Variants in AKT3 observed in about 807,000 individuals in gnomAD.
AKT3 encodes the protein AKT serine/threonine kinase 3, also known as RAC-gamma serine/threonine-protein kinase.
A neutral mutation model predicts 65.3 loss-of-function variants in AKT3; 15 were observed. The ratio of observed to expected loss-of-function variants is 0.23; its 90% CI spans 0.15 to 0.35. The LOEUF (loss-of-function observed/expected upper bound fraction) is 0.35. Among genes scored for constraint, AKT3 ranks in the 10% least tolerant of loss-of-function variants. The pLI, the probability that AKT3 is intolerant of heterozygous loss-of-function variation, is 1.00. For missense variants in AKT3, 243 were observed against 576.5 expected, an observed-to-expected ratio of 0.42 and a Z score of 5.92; for synonymous variants, 206 against 183.8, an observed-to-expected ratio of 1.12 and a Z score of -0.98.
In AKT3 at chr1:243,500,292, T is replaced by C; in HGVS notation, c.*4957A>G. ...ACTCCATTTTATTTATTTATCGTCCTACTTTGTGCACAATCAATCAATCAG... is the reference window on the plus strand; with the variant it reads ...ACTCCATTTTATTTATTTATCGTCCCACTTTGTGCACAATCAATCAATCAG... On this transcript the variant is annotated 3_prime_UTR_variant, in exon 14 of 14. Transcript: ENST00000673466. 4.8e-6 allele frequency: 1 copy of C among 208,576 alleles called. No individual in the cohort carries two copies. The highest frequency in any genetic ancestry group is 8.9e-6 in the Non-Finnish European group (1 of 112,248). The allele number at this position is 208,576 out of a possible 1,614,324, so 12.9% of individuals were successfully genotyped here. A position where few individuals can be genotyped will look rare whatever the true frequency, so the allele number is the denominator to read the frequency against.
At chr1:243,512,629 T>C (rs1184703790) in intron 12 of AKT3, among the ~76,000 whole-genome samples, 2 of 152,118 alleles carry the variant, frequency 1.3e-5, no homozygotes, top group East Asian at 3.9e-4. Flanking sequence ...CTGTATAAAA[T>C]CTAATGGATC....
chr1:243,687,248 G>GC (rs1298343946), intron 3 of AKT3, among the ~76,000 whole-genome samples: 1 of 151,886 alleles, frequency 6.6e-6, no homozygotes, highest in South Asian at 2.1e-4. Flanking sequence ...TTCTAAATAA[G>GC]CCCCCCCATT....
intron 3 of AKT3, among the ~76,000 whole-genome samples, chr1:243,689,635 A>AAG (rs959583566): frequency 1.3e-5 from 2 of 152,022 alleles, no homozygotes; most frequent in African/African-American, 4.8e-5. Flanking sequence ...CTTACTTGCA[A>AAG]AGAGAGAGAG....
At chr1:243,490,387 C>T (rs1004717194) in intron 13 of AKT3, among the ~76,000 whole-genome samples, 1 of 152,236 alleles carries the variant, frequency 6.6e-6, no homozygotes, top group African/African-American at 2.4e-5. Context: ...GAGGCGAGGC[C>T]TCACCTGGCA....
chr1:243,804,954 T>C (rs1692635753), intron 2 of AKT3, among the ~76,000 whole-genome samples: 1 of 152,178 alleles, frequency 6.6e-6, no homozygotes, highest in South Asian at 2.1e-4. Flanking sequence ...TTGCCTGATA[T>C]TTTGTTTGTA....
At chr1:243,628,408 C>T (rs997298199) in intron 6 of AKT3, among the ~76,000 whole-genome samples, 2 of 152,066 alleles carry the variant, frequency 1.3e-5, no homozygotes, top group East Asian at 1.9e-4. Context: ...CAAGCAATCC[C>T]GCATCTCAGC....
chr1:243,505,417 A>T, intron 13 of AKT3, 83 bp from the exon 14 acceptor site: 1 of 1,228,216 alleles, frequency 8.1e-7, no homozygotes, highest in Non-Finnish European at 1.2e-6. Flanking sequence ...TAAACTCTGA[A>T]CATAGGAAAG....
intron 8 of AKT3, among the ~76,000 whole-genome samples, chr1:243,598,077 G>C (rs1357966505): frequency 1.3e-5 from 2 of 152,036 alleles, no homozygotes; most frequent in Non-Finnish European, 2.9e-5. Context: ...AAAGGCATAG[G>C]AAAATGAGAA....
chr1:243,662,234 C>A (rs1411207555), intron 4 of AKT3, among the ~76,000 whole-genome samples: 2 of 152,058 alleles, frequency 1.3e-5, no homozygotes, highest in Non-Finnish European at 2.9e-5. Flanking sequence ...ATAAATCATG[C>A]TGCTATAAAG....
At chr1:243,616,886 T>C (rs1192314399) in intron 6 of AKT3, among the ~76,000 whole-genome samples, 1 of 152,082 alleles carries the variant, frequency 6.6e-6, no homozygotes, top group Non-Finnish European at 1.5e-5. Context: ...TTTATAGGAG[T>C]CAGTTTTAAG....
chr1:243,703,775 A>AG (rs1310142040), intron 2 of AKT3, among the ~76,000 whole-genome samples: 2 of 151,600 alleles, frequency 1.3e-5, no homozygotes, highest in Non-Finnish European at 2.9e-5. Flanking sequence ...AAAAAAAAAA[A>AG]AAAGAAAAAG....
chr1:243,797,686 T>C (rs180742669), intron 2 of AKT3, among the ~76,000 whole-genome samples: 1 of 152,184 alleles, frequency 6.6e-6, no homozygotes, highest in East Asian at 1.9e-4. Flanking sequence ...GTGGGGAAGG[T>C]ATAGATGAAA....
chr1:243,540,041 T>C (rs139373934), intron 12 of AKT3, among the ~76,000 whole-genome samples: 49 of 152,188 alleles, frequency 3.2e-4, no homozygotes, highest in Non-Finnish European at 5.6e-4. Flanking sequence ...ACAAATCCCA[T>C]ACAAACAATT....
intron 6 of AKT3, among the ~76,000 whole-genome samples, chr1:243,636,899 A>G (rs1680014994): frequency 6.6e-6 from 1 of 152,168 alleles, no homozygotes; most frequent in African/African-American, 2.4e-5. Flanking sequence ...ACAAAGTGTA[A>G]GGGGCAATAC....
At chr1:243,760,346 T>G (rs1689413130) in intron 2 of AKT3, among the ~76,000 whole-genome samples, 1 of 148,306 alleles carries the variant, frequency 6.7e-6, no homozygotes, top group African/African-American at 2.5e-5. Flanking sequence ...AGGCTAGTCT[T>G]GAACTCCTAG....
At chr1:243,576,181 A>T (rs1035889277) in intron 8 of AKT3, among the ~76,000 whole-genome samples, 4 of 152,228 alleles carry the variant, frequency 2.6e-5, no homozygotes, top group Non-Finnish European at 5.9e-5. Context: ...AAAAAAATTC[A>T]ACATCGCTTC....
At position 243,798,125 on chromosome 1, in the gene AKT3, G is replaced by A. The variant is rs376661137; in HGVS notation, c.46+45000C>T. ...TCTCGATCTCCTGACCTCGTGATCC[G>A]CCTGCCTCGGCCTCCCAAAGTGCTG... On this transcript the variant is annotated intron_variant, in intron 2 of 13. Coordinates refer to ENST00000673466, the MANE Select transcript of AKT3 (RefSeq NM_005465.7). Among the ~76,000 whole-genome samples, 397 of 150,738 alleles carry A rather than the reference G, an allele frequency of 2.6e-3. 2 individuals carry two copies. The highest frequency in any genetic ancestry group is 9.3e-3 in the African/African-American group (381 of 41,156).
chr1:243,529,265 T>C (rs1178888153), intron 12 of AKT3, among the ~76,000 whole-genome samples: 4 of 152,136 alleles, frequency 2.6e-5, no homozygotes, highest in African/African-American at 9.7e-5. Flanking sequence ...CTGTTTACTC[T>C]GCTGATAGTC....
rs140008331 is a variant in AKT3 at position 243,831,573 on chromosome 1, A to T, written c.46+11552T>A. ...GTAATGTGATTGATTATAAAATGCGAACACAAACTAAAGAAAGTTTCTCTA... is the reference window on the plus strand; with the variant it reads ...GTAATGTGATTGATTATAAAATGCGTACACAAACTAAAGAAAGTTTCTCTA... On this transcript the variant is annotated intron_variant, in intron 2 of 13. Coordinates refer to ENST00000673466, the MANE Select transcript of AKT3 (RefSeq NM_005465.7). Among the ~76,000 whole-genome samples, 1,269 of 152,332 alleles carry T rather than the reference A, an allele frequency of 8.3e-3. 15 individuals carry two copies. Among genetic ancestry groups the T allele is most frequent in the African/African-American group, 0.029 (1,221 of 41,570 alleles).
Sources: gnomAD v4.1 joint callset for allele counts (sites outside exome capture counted in the v4.1 genomes callset) on GRCh38, gnomAD v4.1.1 for gene constraint, MANE v1.5 for transcripts, NCBI Gene and HGNC (gene_info 2026-07-23, HGNC 2026-07-21) for gene names.